The following KCNT1 variants were observed in gnomAD, a reference collection of about 807,000 sequenced individuals.
The protein encoded by KCNT1 is potassium channel subfamily T member 1.
KCNT1 carries 78 observed loss-of-function variants against 147.8 expected under a neutral mutation model. The ratio of observed to expected loss-of-function variants is 0.53; its 90% CI spans 0.44 to 0.64. The LOEUF is 0.64. Ranked by LOEUF, KCNT1 falls within the 30% of genes least tolerant of loss-of-function variation. KCNT1 has a pLI of 0.00. For synonymous variants in KCNT1, 867 were observed against 748.8 expected, an observed-to-expected ratio of 1.16 and a Z score of -2.58; for missense variants, 1,419 against 1,750.3, an observed-to-expected ratio of 0.81 and a Z score of 3.38.
intron 11 of KCNT1, among the ~76,000 whole-genome samples, chr9:135,761,844 G>A (rs897232030): frequency 5.9e-5 from 9 of 152,178 alleles, no homozygotes; most frequent in South Asian, 2.1e-4. Flanking sequence ...GTGGGCCCAC[G>A]GCCCAGCCAC....
At chr9:135,773,047 T>G in intron 19 of KCNT1, 98 bp downstream of exon 19, 1 of 831,144 alleles carries the variant, frequency 1.2e-6, no homozygotes. Context: ...CCCCATGCTC[T>G]GAATTGCAGC....
At chr9:135,736,741 C>A in intron 2 of KCNT1, 2 of 377,600 alleles carry the variant, frequency 5.3e-6, no homozygotes, top group Non-Finnish European at 4.7e-6. Flanking sequence ...CAGCCCGCTG[C>A]TGCCGGCCCG....
intron 9 of KCNT1, among the ~76,000 whole-genome samples, chr9:135,757,984 C>T (rs147274270): frequency 5.8e-4 from 89 of 152,278 alleles, no homozygotes; most frequent in African/African-American, 2.0e-3. Context: ...GCCTCATCCC[C>T]GGGGATGTAG....
chr9:135,726,934 TCC>T (rs1228420442), intron 2 of KCNT1, among the ~76,000 whole-genome samples: 72 of 9,908 alleles, frequency 7.3e-3, no homozygotes, highest in South Asian at 0.018. Flanking sequence ...TCTCTCTCCC[TCC>T]CTCTCCCTCT....
chr9:135,754,074 G>T (rs1224064608), intron 5 of KCNT1, 81 bp downstream of exon 5: 104 of 1,244,056 alleles, frequency 8.4e-5, no homozygotes, highest in Non-Finnish European at 1.2e-5. Context: ...CTCCACTCCA[G>T]CTCCCAATAG....
intron 2 of KCNT1, among the ~76,000 whole-genome samples, chr9:135,741,637 C>A (rs910404744): frequency 3.3e-5 from 5 of 152,124 alleles, no homozygotes; most frequent in African/African-American, 7.2e-5. Context: ...GCTTCTGCCT[C>A]CCCCAGGGAC....
chr9:135,786,167 C>A, intron 28 of KCNT1, 30 bp from the exon 29 acceptor site: 19 of 1,532,162 alleles, frequency 1.2e-5, no homozygotes, highest in Middle Eastern at 1.7e-4. Context: ...CCTCACCCCT[C>A]CCCGCCCTGC....
chr9:135,777,091 T>A (rs555432773), intron 20 of KCNT1, among the ~76,000 whole-genome samples: 9 of 152,226 alleles, frequency 5.9e-5, no homozygotes, highest in Non-Finnish European at 1.3e-4. Flanking sequence ...CAAAACCACA[T>A]GTTCACATGG....
At chr9:135,784,963 G>T in intron 27 of KCNT1, 74 bp downstream of exon 27, 11 of 1,558,944 alleles carry the variant, frequency 7.1e-6, no homozygotes, top group South Asian at 3.6e-5. Context: ...CCACCTTCCG[G>T]GGGCTGGGAC....
At chr9:135,768,728 C>T (rs946476458) in intron 14 of KCNT1, 55 bp downstream of exon 14, 42 of 1,531,148 alleles carry the variant, frequency 2.7e-5, no homozygotes, top group African/African-American at 1.8e-4. Flanking sequence ...GGCCGGGGAG[C>T]GGGGGTCCCT....
chr9:135,722,286 T>C (rs971609728), intron 2 of KCNT1, among the ~76,000 whole-genome samples: 4 of 152,064 alleles, frequency 2.6e-5, no homozygotes, highest in African/African-American at 4.8e-5. Context: ...GCATCCCCCG[T>C]CCCACCCCTG....
chr9:135,720,716 C>T (rs980092514), intron 2 of KCNT1, among the ~76,000 whole-genome samples: 2 of 152,230 alleles, frequency 1.3e-5, no homozygotes, highest in African/African-American at 4.8e-5. Context: ...GCTGAGAAGG[C>T]CCGGGAGCCA....
At chr9:135,774,933 G>A (rs1028758937) in intron 19 of KCNT1, among the ~76,000 whole-genome samples, 1 of 152,130 alleles carries the variant, frequency 6.6e-6, no homozygotes, top group Non-Finnish European at 1.5e-5. Context: ...GCCCTGATGG[G>A]GCTAAGTCCA....
intron 3 of KCNT1, 88 bp downstream of exon 3, chr9:135,750,265 G>A: frequency 1.8e-6 from 2 of 1,096,066 alleles, no homozygotes; most frequent in Non-Finnish European, 2.8e-6. Context: ...GGCTGGGGCT[G>A]TGAGCTCAGG....
chr9:135,769,025 A>T (rs12684799), intron 15 of KCNT1, 88 bp downstream of exon 15: 2 of 863,030 alleles, frequency 2.3e-6, no homozygotes, highest in Non-Finnish European at 3.4e-6. Context: ...GGCAGGGCGC[A>T]TGTGCACATG....
intron 4 of KCNT1, 36 bp downstream of exon 4, chr9:135,751,077 G>A: frequency 1.3e-6 from 2 of 1,579,050 alleles, no homozygotes; most frequent in Non-Finnish European, 1.7e-6. Context: ...GGGGTCCCGG[G>A]TCCCAGGGCT....
At position 135,772,930 on chromosome 9, in the gene KCNT1, G is replaced by A. The variant is rs749302270; in HGVS notation, c.2224G>A (p.Glu742Lys). 8.6e-6 allele frequency: 13 copies of A among 1,516,588 alleles called. No individual in the cohort carries two copies. Among genetic ancestry groups the A allele is most frequent in the African/African-American group, 8.3e-5 (6 of 72,290 alleles). 93.9% of individuals were successfully genotyped at this position (1,516,588 alleles called of 1,614,324 possible). ...GGATGAGGTGACGCCGTCGGACGAC[G>A]AGGGGCTCTCCGTGGTAGAGTGAGT... is the stretch of plus-strand genomic sequence containing the variant. The part of the protein sequence containing the change: ...SEDEVTPSDD[E>K]GLSVVEYVKG... Residue 742 changes from glutamate to lysine, a missense_variant, in exon 19 of 31, where the codon GAG becomes AAG. Transcript: ENST00000371757.
At chr9:135,786,852 C>T (rs1834096477) in intron 29 of KCNT1, among the ~76,000 whole-genome samples, 1 of 152,222 alleles carries the variant, frequency 6.6e-6, no homozygotes. Flanking sequence ...CAGTTTCCCT[C>T]TCTGCCAAAT....
chr9:135,760,797 G>A (rs188506848), intron 11 of KCNT1, among the ~76,000 whole-genome samples: 4 of 152,356 alleles, frequency 2.6e-5, no homozygotes, highest in Admixed American at 2.0e-4. Context: ...GAGTTCAGAT[G>A]GGGCCGTGCG....
Sources: allele counts gnomAD v4.1 joint callset (sites outside exome capture counted in the v4.1 genomes callset), GRCh38; gene constraint gnomAD v4.1.1; transcripts MANE v1.5; gene names NCBI Gene and HGNC (gene_info 2026-07-23, HGNC 2026-07-21).